EYA1: variants seen among roughly 807,000 people sequenced by gnomAD.
EYA1 encodes the protein EYA transcriptional coactivator and phosphatase 1.
EYA1 carries 16 observed loss-of-function variants against 82.0 expected under a neutral mutation model. That is an observed-to-expected ratio of 0.20 (90% CI 0.13 to 0.30). The LOEUF is 0.30. Ranked by LOEUF, EYA1 falls within the 10% of genes least tolerant of loss-of-function variation. EYA1 has a pLI of 1.00. For missense variants in EYA1, 633 were observed against 730.7 expected, an observed-to-expected ratio of 0.87 and a Z score of 1.54; for synonymous variants, 261 against 264.4, an observed-to-expected ratio of 0.99 and a Z score of 0.12.
chr8:71,471,878 C>T (rs752748515), intron 2 of EYA1, among the ~76,000 whole-genome samples: 2 of 152,016 alleles, frequency 1.3e-5, no homozygotes, highest in Non-Finnish European at 2.9e-5. Flanking sequence ...CTTTTATAGC[C>T]CATCTTTGTC....
At chr8:71,480,995 T>C (rs1410941346) in intron 2 of EYA1, among the ~76,000 whole-genome samples, 1 of 152,192 alleles carries the variant, frequency 6.6e-6, no homozygotes, top group Non-Finnish European at 1.5e-5. Context: ...CTTAGAAAAA[T>C]TCCAGTAGCT....
At chr8:71,417,720 C>G (rs915379055) in intron 2 of EYA1, among the ~76,000 whole-genome samples, 1 of 152,142 alleles carries the variant, frequency 6.6e-6, no homozygotes, top group African/African-American at 2.4e-5. Context: ...AAGAATGATC[C>G]GGCCAACATG....
intron 2 of EYA1, among the ~76,000 whole-genome samples, chr8:71,495,083 T>A (rs1437893652): frequency 6.6e-6 from 1 of 150,678 alleles, no homozygotes. Context: ...ATTTATACTT[T>A]AAAAAAAAAG....
At chr8:71,201,271 AAC>A (rs937640179) in intron 17 of EYA1, among the ~76,000 whole-genome samples, 4 of 151,732 alleles carry the variant, frequency 2.6e-5, no homozygotes, top group Non-Finnish European at 4.4e-5. Flanking sequence ...TTAGTGATGA[AAC>A]ACAGAGGTTT....
intron 2 of EYA1, among the ~76,000 whole-genome samples, chr8:71,473,740 C>T (rs1809420683): frequency 6.6e-6 from 1 of 152,162 alleles, no homozygotes; most frequent in South Asian, 2.1e-4. Flanking sequence ...ACTGTAAAGA[C>T]ACATGCACAC....
At chr8:71,220,496 A>G (rs558804598) in intron 12 of EYA1, among the ~76,000 whole-genome samples, 108 of 152,306 alleles carry the variant, frequency 7.1e-4, no homozygotes, top group African/African-American at 2.5e-3. Flanking sequence ...TTTTGCACTC[A>G]CAGTAAACTA....
chr8:71,488,461 T>C (rs942735647), intron 2 of EYA1, among the ~76,000 whole-genome samples: 2 of 152,144 alleles, frequency 1.3e-5, no homozygotes, highest in Admixed American at 6.5e-5. Flanking sequence ...GCAGACACTA[T>C]ATTGAGCAAG....
intron 2 of EYA1, among the ~76,000 whole-genome samples, chr8:71,523,304 G>C (rs1174422396): frequency 6.7e-6 from 1 of 149,098 alleles, no homozygotes; most frequent in Non-Finnish European, 1.5e-5. Flanking sequence ...TCAGCCTCCC[G>C]GGTAGCTGGG....
chr8:71,246,898 C>T (rs1163736854), intron 11 of EYA1, among the ~76,000 whole-genome samples: 1 of 151,938 alleles, frequency 6.6e-6, no homozygotes, highest in Admixed American at 6.6e-5. Context: ...ACTGCCCACC[C>T]CTAGCACTGC....
At chr8:71,311,290 A>G (rs73290098) in intron 7 of EYA1, among the ~76,000 whole-genome samples, 7,423 of 152,296 alleles carry the variant, frequency 0.049, 619 homozygotes, top group African/African-American at 0.17. Flanking sequence ...TATTTATGAC[A>G]CACTGGGGAG....
At chr8:71,355,465 T>C (rs1417194029) in intron 2 of EYA1, among the ~76,000 whole-genome samples, 3 of 152,208 alleles carry the variant, frequency 2.0e-5, no homozygotes, top group African/African-American at 7.2e-5. Context: ...AATGAGATAG[T>C]CCTGATGCAT....
At chr8:71,246,858 A>C (rs1042329624) in intron 11 of EYA1, among the ~76,000 whole-genome samples, 5 of 152,052 alleles carry the variant, frequency 3.3e-5, no homozygotes, top group Non-Finnish European at 5.9e-5. Context: ...CCTGGAGGTC[A>C]ACCCAACCCA....
intron 11 of EYA1, among the ~76,000 whole-genome samples, chr8:71,263,528 T>G (rs1815394339): frequency 6.6e-6 from 1 of 152,214 alleles, no homozygotes; most frequent in Non-Finnish European, 1.5e-5. Flanking sequence ...TGAGGGTCTG[T>G]GTTTCCTTGG....
chr8:71,310,884 AAT>A (rs1414686455), intron 7 of EYA1, among the ~76,000 whole-genome samples: 2 of 152,118 alleles, frequency 1.3e-5, no homozygotes, highest in African/African-American at 4.8e-5. Context: ...TGGAGATTAA[AAT>A]ATGACTAAAG....
At chr8:71,267,025 G>C (rs560406690) in intron 11 of EYA1, among the ~76,000 whole-genome samples, 4 of 152,276 alleles carry the variant, frequency 2.6e-5, no homozygotes, top group Admixed American at 6.5e-5. Flanking sequence ...TGGTGCCTCA[G>C]ATCACTGCTA....
intron 2 of EYA1, among the ~76,000 whole-genome samples, chr8:71,415,809 A>C (rs4379481): frequency 0.73 from 110,559 of 152,184 alleles, 41,091 homozygotes; most frequent in African/African-American, 0.84. Context: ...ATTGACATTT[A>C]TTAATTACAG....
Position 71,199,415 on chromosome 8 carries a change from C to T in EYA1, c.1704G>A (p.Ala568=), listed in dbSNP as rs761954788. 3.4e-5 allele frequency: 54 copies of T among 1,611,906 alleles called. No homozygotes were observed. Among genetic ancestry groups the T allele is most frequent in the Admixed American group, 1.7e-4 (10 of 59,956 alleles). Residue 568 remains alanine, a synonymous_variant, in exon 18 of 18, where the codon GCG becomes GCA. Transcript: ENST00000340726. ...VEEEQGAKKH[A]MPFWRISSHS... is the part of the protein sequence containing the mutation. ...GGCTGGAGATCCTCCAGAAGGGCAT[C>T]GCGTGCTGCAGCAGAGGCACACATA... is the stretch of plus-strand genomic sequence containing the variant.
intron 2 of EYA1, among the ~76,000 whole-genome samples, chr8:71,415,713 GA>G (rs566836118): frequency 1.4e-3 from 209 of 152,268 alleles, no homozygotes; most frequent in African/African-American, 4.8e-3. Context: ...ACACTCTATA[GA>G]CACGACTTGG....
intron 1 of EYA1, among the ~76,000 whole-genome samples, chr8:71,541,269 T>C (rs1297174412): frequency 6.6e-6 from 1 of 152,258 alleles, no homozygotes; most frequent in Non-Finnish European, 1.5e-5. Flanking sequence ...TAGTTGTAGA[T>C]GTGGTTTCTA....
Sources: allele counts gnomAD v4.1 joint callset (sites outside exome capture counted in the v4.1 genomes callset), GRCh38; gene constraint gnomAD v4.1.1; transcripts MANE v1.5; gene names NCBI Gene and HGNC (gene_info 2026-07-23, HGNC 2026-07-21).